The following CRHR2 variants were observed in gnomAD, a reference collection of about 807,000 sequenced individuals.
The protein encoded by CRHR2 is corticotropin-releasing hormone receptor 2.
Under a neutral mutation model 57.9 loss-of-function variants are expected in CRHR2, and 53 were observed. The ratio of observed to expected loss-of-function variants is 0.92; its 90% CI spans 0.73 to 1.15. CRHR2 has a LOEUF of 1.15. CRHR2 is among the 50% of genes most tolerant of loss of function. The pLI is 0.00. For synonymous variants in CRHR2, 213 were observed against 220.9 expected, an observed-to-expected ratio of 0.96 and a Z score of 0.32; for missense variants, 532 against 542.6, an observed-to-expected ratio of 0.98 and a Z score of 0.19.
At chr7:30,684,627 A>G (rs1784817828), upstream of CRHR2, among the ~76,000 whole-genome samples, 1 of 152,234 alleles carries the variant, frequency 6.6e-6, no homozygotes, top group African/African-American at 2.4e-5. Flanking sequence ...GCTGTTCTGC[A>G]TCCTGAATGA....
chr7:30,670,016 C>T (rs188148991), intron 2 of CRHR2, among the ~76,000 whole-genome samples: 1 of 152,278 alleles, frequency 6.6e-6, no homozygotes, highest in African/African-American at 2.4e-5. Flanking sequence ...AGGTCTGAAG[C>T]AGTCCTTTCT....
At chr7:30,674,324 C>T (rs1468741762) in intron 2 of CRHR2, among the ~76,000 whole-genome samples, 1 of 152,218 alleles carries the variant, frequency 6.6e-6, no homozygotes, top group Non-Finnish European at 1.5e-5. Flanking sequence ...CTGTACAGGG[C>T]TCCCTCCTTC....
chr7:30,662,976 C>G (rs373067852), intron 5 of CRHR2, 129 bp from the exon 6 acceptor site: 34 of 1,076,058 alleles, frequency 3.2e-5, no homozygotes, highest in Admixed American at 2.9e-4. Flanking sequence ...CAAATACCAG[C>G]GAACCTCACT....
At chr7:30,682,517 G>A, upstream of CRHR2, 1 of 1,262,710 alleles carries the variant, frequency 7.9e-7, no homozygotes, top group Non-Finnish European at 9.9e-7. Flanking sequence ...CCGCTCCGCC[G>A]CGGCCAATGG....
At chr7:30,672,516 G>A (rs1045685693) in intron 2 of CRHR2, among the ~76,000 whole-genome samples, 15 of 152,216 alleles carry the variant, frequency 9.9e-5, no homozygotes, top group Non-Finnish European at 4.4e-5. Flanking sequence ...AAGGTAGGAG[G>A]CTCAGAGTGG....
intron 1 of CRHR2, among the ~76,000 whole-genome samples, chr7:30,695,491 C>T (rs1785039577): frequency 6.6e-6 from 1 of 151,952 alleles, no homozygotes; most frequent in Non-Finnish European, 1.5e-5. Flanking sequence ...CTCAGTCCTG[C>T]TTGTCTCACC....
intron 8 of CRHR2, among the ~76,000 whole-genome samples, chr7:30,658,010 A>C (rs1783855296): frequency 6.6e-6 from 1 of 152,154 alleles, no homozygotes; most frequent in Admixed American, 6.5e-5. Context: ...CTAGCAACCA[A>C]GGCCTTGTCT....
Position 30,652,177 on chromosome 7 carries a change from C to G in CRHR2, c.*1283G>C, listed in dbSNP as rs77284067. On this transcript the variant is annotated 3_prime_UTR_variant, in exon 12 of 12. Coordinates refer to ENST00000471646, the MANE Select transcript of CRHR2 (RefSeq NM_001883.5). This position sits in a 1 kb window ranked among gnomAD's most constrained non-coding sequence, Gnocchi z 4.4. ...TCTCTCTCCCTGACTCCTGCGGCTCCGCTGCAGGGACACAGGGACGGAAGC... is the reference window on the plus strand; with the variant it reads ...TCTCTCTCCCTGACTCCTGCGGCTCGGCTGCAGGGACACAGGGACGGAAGC... 1 of 152,212 alleles carries G rather than the reference C, an allele frequency of 6.6e-6. No individual in the cohort carries two copies. Among genetic ancestry groups the G allele is most frequent in the Non-Finnish European group, 1.5e-5 (1 of 68,036 alleles). 9.4% of individuals were successfully genotyped at this position (152,212 alleles called of 1,614,324 possible).
rs2128141661 is a variant in CRHR2, at chr7:30,662,121, C to G, written c.758+35G>C. 2.5e-6 allele frequency: 4 copies of G among 1,611,598 alleles called. No homozygotes were observed. The East Asian group carries it at 8.9e-5, about 36-fold the overall frequency. ...CCTGTCCTAACACCCCCATTCCCTT[C>G]CCCATGACCCCCCATGGCTGGCCCA... On this transcript the variant is annotated intron_variant, in intron 7 of 11. Coordinates refer to ENST00000471646, the MANE Select transcript of CRHR2 (RefSeq NM_001883.5).
rs1337037004 is a variant in CRHR2 at position 30,662,823 on chromosome 7, T to C, written c.568A>G (p.Ile190Val). The C allele has an allele frequency of 6.2e-7, 1 of 1,614,150 alleles. No individual in the cohort carries two copies. The highest frequency in any genetic ancestry group is 8.5e-7 in the Non-Finnish European group (1 of 1,180,016). The change falls in exon 6 of 12, where the codon ATC becomes GTC. Residue 190 changes from isoleucine (I) to valine (V), a missense_variant. Physicochemically the swap from Ile to Val is conservative, Grantham distance 29 (BLOSUM62 3). Coordinates refer to ENST00000471646, the MANE Select transcript of CRHR2 (RefSeq NM_001883.5). ...TTGGTCACCACGAAGTAGTTGAAGA[T>C]GGTGGTGATGCAGCGGCACCAGACC... is the stretch of plus-strand genomic sequence containing the variant. Reference protein sequence around the residue: ...NEVWCRCITTIFNYFVVTNFF... With the variant: ...NEVWCRCITTVFNYFVVTNFF...
chr7:30,682,271 C>T lies in CRHR2; in HGVS notation c.10G>A (p.Ala4Thr). 1.9e-6 allele frequency: 3 copies of T among 1,573,754 alleles called. No individual in the cohort carries two copies. In the South Asian group the frequency reaches 3.5e-5, roughly 18 times the overall value. MDA[A>T]LLHSLLEANC... Reference sequence around the variant, plus strand: ...GCCTCCAGCAGGCTGTGGAGCAGTGCCGCGTCCATCGCGTCCCGCAGCCGC... The same window carrying T: ...GCCTCCAGCAGGCTGTGGAGCAGTGTCGCGTCCATCGCGTCCCGCAGCCGC... The change falls in exon 1 of 12, where the codon GCA becomes ACA. Residue 4 changes from alanine (A) to threonine (T), a missense_variant. By Grantham distance (58) the Ala-to-Thr change is moderately conservative. Coordinates refer to ENST00000471646, the MANE Select transcript of CRHR2 (RefSeq NM_001883.5).
upstream of CRHR2, among the ~76,000 whole-genome samples, chr7:30,685,136 A>C (rs1481754638): frequency 1.3e-5 from 2 of 152,186 alleles, no homozygotes; most frequent in Non-Finnish European, 2.9e-5. Context: ...AGAGTAAGGC[A>C]GGTGCCTCTG....
intron 10 of CRHR2, among the ~76,000 whole-genome samples, chr7:30,655,327 G>A (rs1175756156): frequency 1.3e-5 from 2 of 152,176 alleles, no homozygotes; most frequent in African/African-American, 4.8e-5. Context: ...CCTGTCCCAG[G>A]GCATTTGGTT....
intron 11 of CRHR2, chr7:30,654,774 G>T (rs969698188): frequency 3.1e-5 from 47 of 1,536,634 alleles, no homozygotes; most frequent in Non-Finnish European, 3.9e-5. Flanking sequence ...TCTTCCATGA[G>T]GCCCTGCGGC....
At chr7:30,662,908 T>C (rs888500528) in intron 5 of CRHR2, 61 bp from the exon 6 acceptor site, 32 of 1,572,454 alleles carry the variant, frequency 2.0e-5, no homozygotes, top group African/African-American at 2.7e-5. Flanking sequence ...GACATACCCA[T>C]CCCCAGGCAG....
At chr7:30,655,010 C>T (rs1233440597) in intron 11 of CRHR2, 29 bp downstream of exon 11, 1 of 1,610,150 alleles carries the variant, frequency 6.2e-7, no homozygotes, top group East Asian at 2.2e-5. Flanking sequence ...CTGGATATCC[C>T]AGGCCACCCC....
chr7:30,661,727 C>A (rs1490806227), intron 7 of CRHR2, among the ~76,000 whole-genome samples: 1 of 152,148 alleles, frequency 6.6e-6, no homozygotes, highest in African/African-American at 2.4e-5. Flanking sequence ...TGGGACACTG[C>A]ACCCAGGCAG....
At chr7:30,682,708 G>A (rs1784767165), upstream of CRHR2, 3 of 181,962 alleles carry the variant, frequency 1.6e-5, no homozygotes, top group African/African-American at 7.1e-5. Context: ...TCTGTGCGGG[G>A]ATCGCAGGCC....
rs1783792657 is a variant in CRHR2, at chr7:30,656,437, C to G, written c.832-425G>C. On this transcript the variant is annotated intron_variant, in intron 8 of 11. Transcript: ENST00000471646. The surrounding 1 kb of genome is among the most constrained non-coding windows in gnomAD (Gnocchi z 4.4). ...GCACTGTCACTGGCTCTAGGTCGGCCTGAGGTCCTTCTGACTGAGGACAGC... is the reference window on the plus strand; with the variant it reads ...GCACTGTCACTGGCTCTAGGTCGGCGTGAGGTCCTTCTGACTGAGGACAGC... Among the ~76,000 whole-genome samples the G allele has an allele frequency of 6.6e-6, 1 of 152,202 alleles. No homozygotes were observed. Among genetic ancestry groups the G allele is most frequent in the African/African-American group, 2.4e-5 (1 of 41,458 alleles).
Sources: allele counts gnomAD v4.1 joint callset (sites outside exome capture counted in the v4.1 genomes callset), GRCh38; gene constraint gnomAD v4.1.1; non-coding constraint Gnocchi (gnomAD v3.1); transcripts MANE v1.5; gene names NCBI Gene and HGNC (gene_info 2026-07-23, HGNC 2026-07-21).